The following TCF25 variants were observed in gnomAD, a reference collection of about 807,000 sequenced individuals.
The protein encoded by TCF25 is TCF25 ribosome quality control complex subunit.
A neutral mutation model predicts 83.1 loss-of-function variants in TCF25; 41 were observed. The observed-to-expected ratio is 0.49, with a 90% CI of 0.38 to 0.64. TCF25 has a LOEUF of 0.64. Among genes scored for constraint, TCF25 ranks in the 30% least tolerant of loss-of-function variants. The pLI is 0.00. For synonymous variants in TCF25, 458 were observed against 365.0 expected (o/e 1.25, Z -2.90); for missense variants, 979 against 914.5 (o/e 1.07, Z -0.91).
intron 3 of TCF25, 126 bp downstream of exon 3, chr16:89,884,782 C>G (rs2042862205): frequency 3.8e-6 from 3 of 799,152 alleles, no homozygotes; most frequent in Non-Finnish European, 5.6e-6. Flanking sequence ...CTGCCTGACG[C>G]CCTCTCCCTC....
At chr16:89,873,901 G>C in intron 1 of TCF25, 42 bp downstream of exon 1, 1 of 1,460,742 alleles carries the variant, frequency 6.8e-7, no homozygotes, top group South Asian at 1.3e-5. Flanking sequence ...GGTGGCCCTT[G>C]ACGTTGTGGG....
Position 89,894,737 on chromosome 16 carries a change from C to T in TCF25, c.829-301C>T, listed in dbSNP as rs36078982. On this transcript the variant is annotated intron_variant, in intron 7 of 17. Coordinates refer to ENST00000263346, the MANE Select transcript of TCF25 (RefSeq NM_014972.3). ...AGAGTGCATTGGCGCAGTCTCGGCC[C>T]GGGTTCAAGCGATTCGCCTGCCTCA... is the stretch of plus-strand genomic sequence containing the variant. 9.1e-3 allele frequency among the ~76,000 whole-genome samples: 1,381 copies of T among 152,248 alleles called. 33 individuals are homozygous for T. The South Asian group carries it at 0.092, about 10-fold the overall frequency.
intron 1 of TCF25, among the ~76,000 whole-genome samples, chr16:89,882,500 G>A (rs969531079): frequency 6.6e-6 from 1 of 152,258 alleles, no homozygotes; most frequent in South Asian, 2.1e-4. Context: ...TCACACTGCT[G>A]CACTGCAGCC....
chr16:89,898,604 G>C lies in TCF25; in HGVS notation c.1070G>C (p.Arg357Pro). 1 of 1,613,146 alleles carries C rather than the reference G, an allele frequency of 6.2e-7. No homozygotes were observed. ...LYKQMSFLEKRGCPRTALEYC... is the reference protein window; with the variant it reads ...LYKQMSFLEKPGCPRTALEYC... Reference sequence around the variant, plus strand: ...AAGCAGATGAGCTTCCTGGAGAAGCGAGGCTGCCCGCGCACGGCGCTGGAG... The same window carrying C: ...AAGCAGATGAGCTTCCTGGAGAAGCCAGGCTGCCCGCGCACGGCGCTGGAG... The change falls in exon 10 of 18, where the codon CGA becomes CCA. Residue 357 changes from arginine to proline, a missense_variant. Physicochemically the swap from Arg to Pro is moderately radical, Grantham distance 103. Coordinates refer to ENST00000263346, the MANE Select transcript of TCF25 (RefSeq NM_014972.3).
At chr16:89,875,515 T>TG (rs2042115803) in intron 1 of TCF25, among the ~76,000 whole-genome samples, 2 of 62,136 alleles carry the variant, frequency 3.2e-5, no homozygotes, top group African/African-American at 1.7e-4. Flanking sequence ...TGACGTGAGT[T>TG]TTTTTTTTTT....
intron 15 of TCF25, 56 bp downstream of exon 15, chr16:89,906,340 C>T: frequency 1.9e-6 from 3 of 1,567,620 alleles, no homozygotes; most frequent in Non-Finnish European, 2.6e-6. Flanking sequence ...ATGCACGTCC[C>T]TTCTGCTCCG....
At chr16:89,880,455 A>T (rs1286044820) in intron 1 of TCF25, among the ~76,000 whole-genome samples, 1 of 152,174 alleles carries the variant, frequency 6.6e-6, no homozygotes, top group East Asian at 1.9e-4. Context: ...ATGGCGGCAC[A>T]TGCCTGTAGT....
Position 89,906,240 on chromosome 16 carries a change from G to A in TCF25, c.1675G>A (p.Val559Met). ...TGCACCCAGGAATATCCACCGCCAT[G>A]TGATCCTCTCTGAGATCAAGGAAGC... The part of the protein sequence containing the change: ...QRAPRNIHRH[V>M]ILSEIKEAVA... The change falls in exon 15 of 18, where the codon GTG (valine) becomes ATG (methionine). Residue 559 changes from valine (V) to methionine (M), a missense_variant. Val to Met is a conservative substitution (Grantham distance 21). Coordinates refer to ENST00000263346, the MANE Select transcript of TCF25 (RefSeq NM_014972.3). 1.2e-6 allele frequency: 2 copies of A among 1,613,450 alleles called. No homozygotes were observed. The highest frequency in any genetic ancestry group is 1.7e-5 in the Admixed American group (1 of 60,006).
chr16:89,899,459 T>C (rs2044145948), intron 11 of TCF25, among the ~76,000 whole-genome samples: 1 of 152,210 alleles, frequency 6.6e-6, no homozygotes, highest in African/African-American at 2.4e-5. Context: ...GGGCCGGGCA[T>C]GGTGGCTCAC....
intron 17 of TCF25, 76 bp from the exon 18 acceptor site, chr16:89,911,004 G>A: frequency 1.9e-6 from 3 of 1,582,750 alleles, no homozygotes; most frequent in South Asian, 2.3e-5. Context: ...GGGCTCCACA[G>A]TGCCTCCTGC....
chr16:89,906,728 G>T (rs981678207), intron 15 of TCF25, among the ~76,000 whole-genome samples: 1 of 152,158 alleles, frequency 6.6e-6, no homozygotes, highest in Non-Finnish European at 1.5e-5. Context: ...TCGCAGGACC[G>T]TGGACCGTCC....
chr16:89,904,164 C>A lies in TCF25; in HGVS notation c.1428C>A (p.Ser476Arg). 6.2e-7 allele frequency: 1 copy of A among 1,602,982 alleles called. No homozygotes were observed. Residue 476 changes from serine (S) to arginine (R), a missense_variant, in exon 13 of 18, where the codon AGC (serine) becomes AGA (arginine). Physicochemically the swap from Ser to Arg is moderately radical, Grantham distance 110 (BLOSUM62 -1). Transcript: ENST00000263346. The part of the protein sequence containing the change: ...LESCSVRPDA[S>R]VSSHRFFGPN... ...CTTGCAGTGTGCGGCCCGACGCCAG[C>A]GTTTCCAGTCACCGCTTCTTTGGAC...
intron 12 of TCF25, among the ~76,000 whole-genome samples, chr16:89,903,151 G>C (rs1418666615): frequency 2.0e-5 from 3 of 152,268 alleles, no homozygotes; most frequent in Non-Finnish European, 4.4e-5. Flanking sequence ...GAGCTGTGCT[G>C]CTGTGTCACA....
chr16:89,877,619 T>C (rs889708630), intron 1 of TCF25, among the ~76,000 whole-genome samples: 1 of 152,142 alleles, frequency 6.6e-6, no homozygotes, highest in Admixed American at 6.5e-5. Flanking sequence ...ACTCAAAATG[T>C]GTCGAAGGAA....
At chr16:89,907,144 A>G in intron 15 of TCF25, 99 bp from the exon 16 acceptor site, 1 of 1,186,310 alleles carries the variant, frequency 8.4e-7, no homozygotes, top group Non-Finnish European at 1.2e-6. Flanking sequence ...CAGCAGATGC[A>G]TCCAGTCCAT....
Position 89,898,618 on chromosome 16 carries a change from A to T in TCF25, c.1084A>T (p.Thr362Ser). 1 of 1,612,972 alleles carries T rather than the reference A, an allele frequency of 6.2e-7. No homozygotes were observed. The highest frequency in any genetic ancestry group is 1.1e-5 in the South Asian group (1 of 91,076). ...SFLEKRGCPR[T>S]ALEYCKLILS... Reference sequence around the variant, plus strand: ...CCTGGAGAAGCGAGGCTGCCCGCGCACGGCGCTGGAGTACTGCAAGCTCAT... The same window carrying T: ...CCTGGAGAAGCGAGGCTGCCCGCGCTCGGCGCTGGAGTACTGCAAGCTCAT... Residue 362 changes from threonine (T) to serine (S), a missense_variant, in exon 10 of 18, where the codon ACG becomes TCG. By Grantham distance (58) the Thr-to-Ser change is moderately conservative. Transcript: ENST00000263346.
intron 15 of TCF25, 122 bp from the exon 16 acceptor site, chr16:89,907,121 T>C (rs1435932634): frequency 2.0e-6 from 2 of 976,984 alleles, no homozygotes. Context: ...TGTCAGACTC[T>C]GTGGCTATCT....
intron 2 of TCF25, 32 bp downstream of exon 2, chr16:89,883,544 A>G: frequency 1.3e-6 from 2 of 1,560,568 alleles, no homozygotes; most frequent in Non-Finnish European, 1.7e-6. Context: ...AGGTGGCATC[A>G]GACGGGAGAG....
chr16:89,897,506 C>A (rs796103671), intron 9 of TCF25, among the ~76,000 whole-genome samples: 5 of 152,290 alleles, frequency 3.3e-5, no homozygotes, highest in African/African-American at 1.2e-4. Context: ...CTGACCCGTT[C>A]TGCACAGATT....
Sources: gnomAD v4.1 joint callset for allele counts (sites outside exome capture counted in the v4.1 genomes callset) on GRCh38, gnomAD v4.1.1 for gene constraint, MANE v1.5 for transcripts, NCBI Gene and HGNC (gene_info 2026-07-23, HGNC 2026-07-21) for gene names.